Variants in PIP5K1B observed in about 807,000 individuals in gnomAD.
PIP5K1B encodes the protein phosphatidylinositol-4-phosphate 5-kinase type 1 beta.
In PIP5K1B, 42 loss-of-function variants were observed where a neutral mutation model predicts 67.0. The observed-to-expected ratio is 0.63, with a 90% confidence interval of 0.49 to 0.81. PIP5K1B has a LOEUF of 0.81. Among genes scored for constraint, PIP5K1B ranks in the 30% least tolerant of loss-of-function variants. The probability of loss-of-function intolerance (pLI) is 0.00; values close to 1 mark genes in which losing one functional copy is unlikely to be tolerated. For missense variants in PIP5K1B, 459 were observed against 646.3 expected, an observed-to-expected ratio of 0.71 and a Z score of 3.14; for synonymous variants, 214 against 231.4, an observed-to-expected ratio of 0.92 and a Z score of 0.68.
intron 15 of PIP5K1B, among the ~76,000 whole-genome samples, chr9:68,995,309 C>T (rs1830557531): frequency 6.6e-6 from 1 of 152,150 alleles, no homozygotes; most frequent in Non-Finnish European, 1.5e-5. Flanking sequence ...TGTTTAATCA[C>T]CTCCTGTACC....
chr9:68,901,684 G>A (rs1294733610), intron 8 of PIP5K1B, among the ~76,000 whole-genome samples: 1 of 152,176 alleles, frequency 6.6e-6, no homozygotes, highest in Non-Finnish European at 1.5e-5. Flanking sequence ...AGCAGTATAA[G>A]CATAAAGCAA....
intron 2 of PIP5K1B, chr9:68,780,092 G>C: frequency 1.9e-5 from 26 of 1,356,120 alleles, no homozygotes; most frequent in Admixed American, 6.5e-5. Flanking sequence ...GGCAGCGGCG[G>C]CGGCCCTGGA....
chr9:68,998,898 G>A (rs911560659), intron 15 of PIP5K1B, among the ~76,000 whole-genome samples: 10 of 152,158 alleles, frequency 6.6e-5, no homozygotes, highest in African/African-American at 1.9e-4. Context: ...CTGGCTTCCC[G>A]TGGTCTGCTT....
intron 14 of PIP5K1B, among the ~76,000 whole-genome samples, chr9:68,982,576 G>T (rs1829925719): frequency 6.6e-6 from 1 of 152,012 alleles, no homozygotes; most frequent in South Asian, 2.1e-4. Flanking sequence ...GGCCAACATG[G>T]TGAAACCCCA....
chr9:68,797,341 G>A (rs1200297990), intron 2 of PIP5K1B, among the ~76,000 whole-genome samples: 1 of 152,244 alleles, frequency 6.6e-6, no homozygotes, highest in African/African-American at 2.4e-5. Flanking sequence ...TCCCCAGGGA[G>A]ACAAGGGGTA....
intron 3 of PIP5K1B, among the ~76,000 whole-genome samples, chr9:68,821,098 C>T (rs138353030): frequency 6.6e-6 from 1 of 152,032 alleles, no homozygotes; most frequent in African/African-American, 2.4e-5. Flanking sequence ...GGCAGCATGG[C>T]AAAACCCTGT....
intron 4 of PIP5K1B, among the ~76,000 whole-genome samples, chr9:68,840,831 A>G (rs573654751): frequency 2.6e-5 from 4 of 152,294 alleles, no homozygotes; most frequent in African/African-American, 9.6e-5. Context: ...AAGTAACATT[A>G]TATTTTGCCT....
intron 14 of PIP5K1B, among the ~76,000 whole-genome samples, chr9:68,941,573 G>A (rs1280729072): frequency 1.3e-5 from 2 of 152,298 alleles, no homozygotes; most frequent in Middle Eastern, 3.4e-3. Flanking sequence ...TCTATGAAGT[G>A]TTATAAAAAT....
At chr9:68,799,254 ACTCT>A (rs946843650) in intron 2 of PIP5K1B, among the ~76,000 whole-genome samples, 1 of 152,070 alleles carries the variant, frequency 6.6e-6, no homozygotes, top group Non-Finnish European at 1.5e-5. Context: ...AAATACTGAA[ACTCT>A]CTATCTGTAG....
At chr9:68,925,493 C>T (rs776929112) in intron 12 of PIP5K1B, among the ~76,000 whole-genome samples, 30 of 152,116 alleles carry the variant, frequency 2.0e-4, no homozygotes, top group Non-Finnish European at 4.0e-4. Context: ...TGTTTATTAG[C>T]CATTTGTAGT....
chr9:68,930,920 ACCAT>A, intron 12 of PIP5K1B, among the ~76,000 whole-genome samples: 1 of 152,102 alleles, frequency 6.6e-6, no homozygotes, highest in Non-Finnish European at 1.5e-5. Context: ...ATCTAACACC[ACCAT>A]TTCAAAGGGT....
At chr9:68,801,644 G>A (rs1056648175) in intron 2 of PIP5K1B, among the ~76,000 whole-genome samples, 9 of 152,184 alleles carry the variant, frequency 5.9e-5, no homozygotes, top group African/African-American at 2.2e-4. Flanking sequence ...AGTACATTTG[G>A]TCAGGCTGGA....
chr9:68,808,271 A>T (rs1176929633), intron 2 of PIP5K1B, among the ~76,000 whole-genome samples: 1 of 152,182 alleles, frequency 6.6e-6, no homozygotes, highest in African/African-American at 2.4e-5. Context: ...ACTATGTGAG[A>T]TTATTTGTGA....
rs200137027 is a variant in PIP5K1B at position 68,780,328 on chromosome 9, C to T, written c.-86+37671C>T. ...ACTTCGCCGGTGTTCCAGGCCGAGG[C>T]GCCGAGCGCCAGGCGGAACAGCACA... On this transcript the variant is annotated intron_variant, in intron 2 of 15. Transcript: ENST00000265382. The T allele has an allele frequency of 2.6e-5, 41 of 1,605,410 alleles. No homozygotes were observed. Among genetic ancestry groups the T allele is most frequent in the Middle Eastern group, 1.7e-4 (1 of 6,018 alleles).
intron 4 of PIP5K1B, among the ~76,000 whole-genome samples, chr9:68,854,484 A>T (rs1340901972): frequency 6.6e-6 from 1 of 152,190 alleles, no homozygotes; most frequent in Non-Finnish European, 1.5e-5. Context: ...CGTATATTTC[A>T]TGCTGGGGCA....
chr9:68,854,654 A>G (rs1032629149), intron 4 of PIP5K1B, among the ~76,000 whole-genome samples: 1 of 152,230 alleles, frequency 6.6e-6, no homozygotes. Context: ...ACTCCTAAAC[A>G]TGCCTTTGTC....
At chr9:68,748,160 GCTGCTTTCA>G (rs1401596125) in intron 2 of PIP5K1B, among the ~76,000 whole-genome samples, 1 of 152,166 alleles carries the variant, frequency 6.6e-6, no homozygotes, top group Non-Finnish European at 1.5e-5. Context: ...TTTGTGCCTG[GCTGCTTTCA>G]CTTAGCGTAA....
intron 15 of PIP5K1B, among the ~76,000 whole-genome samples, chr9:69,001,158 C>T (rs552922579): frequency 2.4e-3 from 371 of 151,984 alleles, no homozygotes; most frequent in Admixed American, 3.6e-3. Flanking sequence ...CCACCTGCCT[C>T]GGCCTCCCCA....
intron 4 of PIP5K1B, among the ~76,000 whole-genome samples, chr9:68,829,674 C>T (rs768528928): frequency 4.0e-4 from 61 of 152,160 alleles, no homozygotes; most frequent in Non-Finnish European, 7.8e-4. Flanking sequence ...TCCAGCTCTT[C>T]CAGATACTGG....
Sources: gnomAD v4.1 joint callset for allele counts (sites outside exome capture counted in the v4.1 genomes callset) on GRCh38, gnomAD v4.1.1 for gene constraint, MANE v1.5 for transcripts, NCBI Gene and HGNC (gene_info 2026-07-23, HGNC 2026-07-21) for gene names.